Variants in CLIC5 observed in about 807,000 individuals in gnomAD.
CLIC5 encodes the protein chloride intracellular channel protein 5.
In CLIC5, 20 loss-of-function variants were observed where a neutral mutation model predicts 24.7. That is an observed-to-expected ratio of 0.81 (90% CI 0.57 to 1.18). The LOEUF is 1.18. Among genes scored for constraint, CLIC5 ranks in the 50% most tolerant of loss-of-function variants. The probability of loss-of-function intolerance (pLI) is 0.00; values close to 1 mark genes in which losing one functional copy is unlikely to be tolerated. For missense variants in CLIC5, 341 were observed against 326.1 expected, an observed-to-expected ratio of 1.05 and a Z score of -0.35; for synonymous variants, 159 against 135.6, an observed-to-expected ratio of 1.17 and a Z score of -1.20.
At chr6:45,941,288 G>A (rs532728875) in intron 4 of CLIC5, among the ~76,000 whole-genome samples, 1 of 152,162 alleles carries the variant, frequency 6.6e-6, no homozygotes, top group African/African-American at 2.4e-5. Context: ...AGATGACAAA[G>A]AGCATCCCTC....
chr6:46,029,985 G>C (rs1767452811), intron 1 of CLIC5, among the ~76,000 whole-genome samples: 1 of 152,106 alleles, frequency 6.6e-6, no homozygotes, highest in Non-Finnish European at 1.5e-5. Context: ...GTTATGCCTG[G>C]CTATAAGTGA....
chr6:46,000,322 T>A (rs1290580323), intron 1 of CLIC5, among the ~76,000 whole-genome samples: 1 of 152,154 alleles, frequency 6.6e-6, no homozygotes, highest in East Asian at 1.9e-4. Flanking sequence ...TGTGTATGTC[T>A]GTGTAATAAT....
At chr6:45,997,794 T>G (rs911723857) in intron 1 of CLIC5, among the ~76,000 whole-genome samples, 2 of 152,236 alleles carry the variant, frequency 1.3e-5, no homozygotes, top group African/African-American at 4.8e-5. Flanking sequence ...AAATTAGGCA[T>G]GCACACACAC....
chr6:46,004,679 C>T (rs150322493), intron 1 of CLIC5, among the ~76,000 whole-genome samples: 13 of 152,144 alleles, frequency 8.5e-5, no homozygotes, highest in African/African-American at 3.1e-4. Flanking sequence ...GTTCATGTTT[C>T]TTATCTTATT....
upstream of CLIC5, among the ~76,000 whole-genome samples, chr6:46,020,847 C>T (rs575437730): frequency 1.3e-5 from 2 of 151,950 alleles, no homozygotes; most frequent in South Asian, 4.2e-4. Flanking sequence ...AAGACACAGA[C>T]TAACAAAATT....
At chr6:46,029,351 T>C (rs1049889689) in intron 1 of CLIC5, among the ~76,000 whole-genome samples, 1 of 152,188 alleles carries the variant, frequency 6.6e-6, no homozygotes, top group Non-Finnish European at 1.5e-5. Flanking sequence ...GAAATTATTA[T>C]CTTATCATAA....
At chr6:45,980,675 C>T (rs1474082615) in intron 1 of CLIC5, among the ~76,000 whole-genome samples, 1 of 149,990 alleles carries the variant, frequency 6.7e-6, no homozygotes, top group Non-Finnish European at 1.5e-5. Context: ...GAGCATGCTG[C>T]AAAATGTATC....
intron 1 of CLIC5, among the ~76,000 whole-genome samples, chr6:46,034,148 T>C (rs1767597502): frequency 6.6e-6 from 1 of 152,248 alleles, no homozygotes; most frequent in Non-Finnish European, 1.5e-5. Context: ...CTTTGTTTTA[T>C]GGAATCAATG....
chr6:46,127,864 C>A, the CLIC5 span, among the ~76,000 whole-genome samples: 1 of 152,302 alleles, frequency 6.6e-6, no homozygotes, highest in South Asian at 2.1e-4. Context: ...GACGTCATTT[C>A]TATCACCCAG....
At chr6:46,105,698 G>A in the CLIC5 span, among the ~76,000 whole-genome samples, 1 of 152,254 alleles carries the variant, frequency 6.6e-6, no homozygotes, top group East Asian at 1.9e-4. Flanking sequence ...GGTTCTCTCA[G>A]ATCTAAAGCT....
intron 1 of CLIC5, among the ~76,000 whole-genome samples, chr6:46,021,900 A>G (rs7741665): frequency 6.6e-5 from 10 of 152,230 alleles, no homozygotes; most frequent in Non-Finnish European, 1.3e-4. Context: ...ACTACACACC[A>G]AAAAGGTGAA....
downstream of CLIC5, among the ~76,000 whole-genome samples, chr6:45,895,479 A>G (rs1316237003): frequency 1.3e-5 from 2 of 152,178 alleles, no homozygotes; most frequent in Non-Finnish European, 2.9e-5. Flanking sequence ...ACTAACACAG[A>G]CACCTATTTC....
At chr6:46,092,771 A>G in the CLIC5 span, among the ~76,000 whole-genome samples, 2 of 152,158 alleles carry the variant, frequency 1.3e-5, no homozygotes, top group Admixed American at 6.5e-5. Flanking sequence ...TATTATTGAT[A>G]AGGAAAATCT....
chr6:45,962,860 A>G (rs896413132), intron 1 of CLIC5, among the ~76,000 whole-genome samples: 1 of 152,206 alleles, frequency 6.6e-6, no homozygotes, highest in Non-Finnish European at 1.5e-5. Context: ...TATGTTGCAC[A>G]GTGCCACTGT....
At chr6:46,120,285 G>C in the CLIC5 span, among the ~76,000 whole-genome samples, 1 of 152,202 alleles carries the variant, frequency 6.6e-6, no homozygotes, top group African/African-American at 2.4e-5. Flanking sequence ...AATATTCGCT[G>C]TTCTGCAGCC....
intron 4 of CLIC5, among the ~76,000 whole-genome samples, chr6:45,939,437 C>T (rs927879472): frequency 3.3e-5 from 5 of 151,874 alleles, no homozygotes; most frequent in Admixed American, 6.6e-5. Flanking sequence ...GGTGATCCAC[C>T]CACCTTGGCC....
upstream of CLIC5, among the ~76,000 whole-genome samples, chr6:46,020,027 C>A (rs1381005777): frequency 6.6e-6 from 1 of 151,948 alleles, no homozygotes; most frequent in Non-Finnish European, 1.5e-5. Context: ...GACAAAAAAT[C>A]CATAAGAATA....
chr6:46,022,311 G>A (rs1467855117), intron 1 of CLIC5, among the ~76,000 whole-genome samples: 2 of 152,266 alleles, frequency 1.3e-5, no homozygotes, highest in African/African-American at 2.4e-5. Flanking sequence ...CAGCTTTTAT[G>A]TACCTAGCAG....
chr6:46,034,879 T>C (rs1343175319), intron 1 of CLIC5, among the ~76,000 whole-genome samples: 1 of 152,214 alleles, frequency 6.6e-6, no homozygotes, highest in Non-Finnish European at 1.5e-5. Context: ...GAAGGGTGAC[T>C]ACTAAGGTTC....
Sources: allele counts gnomAD v4.1 joint callset (sites outside exome capture counted in the v4.1 genomes callset), GRCh38; gene constraint gnomAD v4.1.1; transcripts MANE v1.5; gene names NCBI Gene and HGNC (gene_info 2026-07-23, HGNC 2026-07-21).